Variants in UNC5C observed in about 807,000 individuals in gnomAD.
UNC5C encodes the protein netrin receptor UNC5C.
In UNC5C, 47 loss-of-function variants were observed where a neutral mutation model predicts 99.8. The observed-to-expected ratio is 0.47, with a 90% CI of 0.37 to 0.60. The LOEUF (loss-of-function observed/expected upper bound fraction) is 0.60. Ranked by LOEUF, UNC5C falls within the 20% of genes least tolerant of loss-of-function variation. The probability of loss-of-function intolerance (pLI) is 0.00; values close to 1 mark genes in which losing one functional copy is unlikely to be tolerated. For synonymous variants in UNC5C, 487 were observed against 452.2 expected, an observed-to-expected ratio of 1.08 and a Z score of -0.98; for missense variants, 1,062 against 1,165.9, an observed-to-expected ratio of 0.91 and a Z score of 1.30.
At chr4:95,340,081 G>C (rs1312351660) in intron 1 of UNC5C, among the ~76,000 whole-genome samples, 1 of 151,920 alleles carries the variant, frequency 6.6e-6, no homozygotes, top group Non-Finnish European at 1.5e-5. Flanking sequence ...CCCAAGAAGA[G>C]AAAGCTTTTC....
intron 1 of UNC5C, among the ~76,000 whole-genome samples, chr4:95,452,212 T>C (rs1747297994): frequency 6.6e-6 from 1 of 152,130 alleles, no homozygotes; most frequent in South Asian, 2.1e-4. Context: ...GTGTAACAAT[T>C]TATTTGAAAT....
chr4:95,171,359 A>T (rs1736096337), intron 14 of UNC5C, among the ~76,000 whole-genome samples: 1 of 150,498 alleles, frequency 6.6e-6, no homozygotes, highest in Non-Finnish European at 1.5e-5. Flanking sequence ...CATTAGGTAT[A>T]TCTCCCAATG....
chr4:95,203,842 A>C (rs557184120), intron 11 of UNC5C, among the ~76,000 whole-genome samples: 2 of 152,270 alleles, frequency 1.3e-5, no homozygotes, highest in Admixed American at 1.3e-4. Flanking sequence ...ATTTTGCTGC[A>C]AAAAGGTTTA....
chr4:95,203,096 T>G (rs1244877186), intron 11 of UNC5C, 132 bp from the exon 12 acceptor site: 7 of 718,078 alleles, frequency 9.7e-6, no homozygotes, highest in Non-Finnish European at 1.6e-5. Flanking sequence ...GAGTTTATAA[T>G]CTGTCTACTT....
chr4:95,400,384 CTT>C (rs1171870515), intron 1 of UNC5C, among the ~76,000 whole-genome samples: 56 of 65,774 alleles, frequency 8.5e-4, no homozygotes, highest in African/African-American at 3.0e-3. Flanking sequence ...GAGATGAATT[CTT>C]TTTTTTTTTT....
At chr4:95,329,524 C>T (rs544193952) in intron 2 of UNC5C, among the ~76,000 whole-genome samples, 2 of 152,230 alleles carry the variant, frequency 1.3e-5, no homozygotes, top group African/African-American at 4.8e-5. Flanking sequence ...AGAAATTATG[C>T]CTTTAATCAA....
intron 4 of UNC5C, among the ~76,000 whole-genome samples, chr4:95,261,897 G>T (rs1260622744): frequency 1.3e-5 from 2 of 151,998 alleles, no homozygotes; most frequent in Non-Finnish European, 2.9e-5. Context: ...TAGAGATGGG[G>T]TTTCACCGTG....
intron 1 of UNC5C, among the ~76,000 whole-genome samples, chr4:95,478,157 T>G (rs779558819): frequency 6.6e-5 from 10 of 151,906 alleles, no homozygotes; most frequent in Non-Finnish European, 1.0e-4. Flanking sequence ...ATTGACAATC[T>G]CCTCTTCATT....
At chr4:95,193,939 G>A (rs577837882) in intron 12 of UNC5C, among the ~76,000 whole-genome samples, 3 of 151,928 alleles carry the variant, frequency 2.0e-5, no homozygotes, top group South Asian at 2.1e-4. Context: ...GTTCACGCCA[G>A]GGTGCTCTGC....
At chr4:95,539,449 T>C (rs1722862432) in intron 1 of UNC5C, among the ~76,000 whole-genome samples, 1 of 152,210 alleles carries the variant, frequency 6.6e-6, no homozygotes, top group Non-Finnish European at 1.5e-5. Flanking sequence ...GCAACTTTTC[T>C]CAGAAAAGTA....
chr4:95,241,279 C>T (rs1051878112), intron 7 of UNC5C, among the ~76,000 whole-genome samples: 3 of 152,160 alleles, frequency 2.0e-5, no homozygotes, highest in Non-Finnish European at 2.9e-5. Flanking sequence ...GTGCTTTATA[C>T]ACTCAGCAGC....
At chr4:95,450,413 G>C (rs1188337154) in intron 1 of UNC5C, among the ~76,000 whole-genome samples, 1 of 152,154 alleles carries the variant, frequency 6.6e-6, no homozygotes, top group Non-Finnish European at 1.5e-5. Context: ...TGTAGAGAGT[G>C]TGTGTCACTA....
chr4:95,376,096 A>G (rs939641341), intron 1 of UNC5C, among the ~76,000 whole-genome samples: 2 of 152,020 alleles, frequency 1.3e-5, no homozygotes, highest in Non-Finnish European at 2.9e-5. Flanking sequence ...ATATATACAG[A>G]ATAAACAGAA....
At chr4:95,347,708 C>A (rs533451750) in intron 1 of UNC5C, among the ~76,000 whole-genome samples, 100 of 151,972 alleles carry the variant, frequency 6.6e-4, no homozygotes, top group African/African-American at 2.4e-3. Flanking sequence ...TATCCGTAGG[C>A]AGAAGAAGGA....
At chr4:95,192,618 C>A (rs1737197513) in intron 12 of UNC5C, among the ~76,000 whole-genome samples, 2 of 149,884 alleles carry the variant, frequency 1.3e-5, no homozygotes, top group South Asian at 4.3e-4. Flanking sequence ...TCACCTTCTC[C>A]CCTGCTCACC....
chr4:95,407,971 C>G (rs1745875782), intron 1 of UNC5C, among the ~76,000 whole-genome samples: 1 of 152,026 alleles, frequency 6.6e-6, no homozygotes, highest in Non-Finnish European at 1.5e-5. Context: ...TGATTAGAGT[C>G]AAAAGTAAGT....
chr4:95,371,029 T>C (rs1258901660), intron 1 of UNC5C, among the ~76,000 whole-genome samples: 1 of 152,210 alleles, frequency 6.6e-6, no homozygotes, highest in Non-Finnish European at 1.5e-5. Context: ...TATCTATTCA[T>C]ATTTAGTACA....
intron 1 of UNC5C, among the ~76,000 whole-genome samples, chr4:95,388,780 T>C (rs1276409981): frequency 1.3e-5 from 2 of 152,184 alleles, no homozygotes; most frequent in African/African-American, 2.4e-5. Context: ...AGGCTTGGAA[T>C]GGTAAAGTAA....
intron 2 of UNC5C, among the ~76,000 whole-genome samples, chr4:95,313,066 A>T (rs1742330759): frequency 1.3e-5 from 2 of 152,174 alleles, no homozygotes; most frequent in Admixed American, 6.5e-5. Flanking sequence ...AATATTTGAG[A>T]TTGACACTGA....
Sources: gnomAD v4.1 joint callset for allele counts (sites outside exome capture counted in the v4.1 genomes callset) on GRCh38, gnomAD v4.1.1 for gene constraint, MANE v1.5 for transcripts, NCBI Gene and HGNC (gene_info 2026-07-23, HGNC 2026-07-21) for gene names.